ESRRG: variants seen among roughly 807,000 people sequenced by gnomAD.
The protein encoded by ESRRG is estrogen-related receptor gamma.
In ESRRG, 13 loss-of-function variants were observed where a neutral mutation model predicts 44.0. The ratio of observed to expected loss-of-function variants is 0.30; its 90% CI spans 0.19 to 0.47. ESRRG has a LOEUF of 0.47. Among genes scored for constraint, ESRRG ranks in the 20% least tolerant of loss-of-function variants. The pLI is 1.00. For synonymous variants in ESRRG, 215 were observed against 214.6 expected, an observed-to-expected ratio of 1.00 and a Z score of -0.02; for missense variants, 395 against 580.6, an observed-to-expected ratio of 0.68 and a Z score of 3.29.
intron 1 of ESRRG, among the ~76,000 whole-genome samples, chr1:217,028,605 C>T (rs549252173): frequency 1.3e-5 from 2 of 152,230 alleles, no homozygotes; most frequent in South Asian, 4.1e-4. Flanking sequence ...TTTTAGGAGT[C>T]CACCATCACT....
At chr1:216,869,140 C>T (rs1437840515) in intron 2 of ESRRG, among the ~76,000 whole-genome samples, 1 of 151,976 alleles carries the variant, frequency 6.6e-6, no homozygotes, top group Non-Finnish European at 1.5e-5. Flanking sequence ...TTTGCCTAAC[C>T]CTAGATAATG....
At chr1:216,893,991 T>C (rs1452503220) in intron 2 of ESRRG, among the ~76,000 whole-genome samples, 1 of 152,188 alleles carries the variant, frequency 6.6e-6, no homozygotes, top group African/African-American at 2.4e-5. Flanking sequence ...AACAACACAT[T>C]ATTCAATGAT....
chr1:216,729,797 C>G (rs1182054152), intron 2 of ESRRG, among the ~76,000 whole-genome samples: 1 of 152,112 alleles, frequency 6.6e-6, no homozygotes, highest in African/African-American at 2.4e-5. Context: ...GTCAATAATG[C>G]TGTTGATTTT....
intron 3 of ESRRG, among the ~76,000 whole-genome samples, chr1:216,629,001 C>G (rs943363004): frequency 6.6e-6 from 1 of 152,174 alleles, no homozygotes; most frequent in African/African-American, 2.4e-5. Flanking sequence ...TCTTTCCCTC[C>G]ACCCTTCACG....
Position 216,723,032 on chromosome 1 carries a change from C to G in ESRRG, c.56+212G>C, listed in dbSNP as rs561499126. 8.3e-4 allele frequency among the ~76,000 whole-genome samples: 127 copies of G among 152,188 alleles called. 1 individual carries two copies. The highest frequency in any genetic ancestry group is 3.7e-3 in the Admixed American group (56 of 15,296). ...TACTGACAGTCACTGAGCTTTGCCT[C>G]AAAGGTAACATTGTAGTCAGAGAAC... On this transcript the variant is annotated intron_variant, in intron 1 of 6. Coordinates refer to ENST00000408911, the MANE Select transcript of ESRRG (RefSeq NM_001438.4).
Position 217,055,290 on chromosome 1 carries a change from A to G in ESRRG, c.-106+34217T>C, listed in dbSNP as rs572558307. ...TGAGGTTCAAGGGGTAGAAGAAGAG[A>G]CTCAGAGCCAATAAACAAGATGTGG... is the stretch of plus-strand genomic sequence containing the variant. On this transcript the variant is annotated intron_variant, in intron 1 of 7. Transcript: ENST00000359162. 2.6e-5 allele frequency among the ~76,000 whole-genome samples: 4 copies of G among 152,160 alleles called. 1 individual carries two copies. The South Asian group carries it at 8.3e-4, about 32-fold the overall frequency.
In ESRRG at chr1:216,613,613, C is replaced by A. The variant is rs572706831; in HGVS notation, c.589+37360G>T. On this transcript the variant is annotated intron_variant, in intron 3 of 6. Coordinates refer to ENST00000408911, the MANE Select transcript of ESRRG (RefSeq NM_001438.4). ...TTCAACCATTACATCATTTGTTTTA[C>A]TCAAAAGTGTGTGCCTCTCTACGTA... Among the ~76,000 whole-genome samples the A allele has an allele frequency of 5.3e-5, 8 of 152,262 alleles. 1 individual carries two copies. Among genetic ancestry groups the A allele is most frequent in the African/African-American group, 1.7e-4 (7 of 41,576 alleles).
intron 2 of ESRRG, among the ~76,000 whole-genome samples, chr1:216,938,621 T>C (rs2149918936): frequency 6.6e-6 from 1 of 152,344 alleles, no homozygotes; most frequent in Non-Finnish European, 1.5e-5. Flanking sequence ...TGCTGAATGC[T>C]GTTCAAAAAT....
intron 2 of ESRRG, among the ~76,000 whole-genome samples, chr1:216,766,930 C>A (rs2093110903): frequency 6.6e-6 from 1 of 152,096 alleles, no homozygotes; most frequent in Non-Finnish European, 1.5e-5. Flanking sequence ...ATTACATAAT[C>A]TTTTTCTGAG....
intron 2 of ESRRG, among the ~76,000 whole-genome samples, chr1:216,931,102 G>A (rs777837012): frequency 6.6e-5 from 10 of 152,178 alleles, no homozygotes; most frequent in Non-Finnish European, 1.3e-4. Flanking sequence ...TAATGGCCAA[G>A]TTCAGTGAAG....
At chr1:216,826,200 AAAACAC>A (rs941723576) in intron 2 of ESRRG, among the ~76,000 whole-genome samples, 1 of 151,238 alleles carries the variant, frequency 6.6e-6, no homozygotes, top group Non-Finnish European at 1.5e-5. Flanking sequence ...AAAAAAAAAA[AAAACAC>A]ACACACACAC....
chr1:216,685,270 T>C (rs2077723236), intron 1 of ESRRG, among the ~76,000 whole-genome samples: 1 of 151,888 alleles, frequency 6.6e-6, no homozygotes, highest in Admixed American at 6.6e-5. Context: ...GTACCCAAGA[T>C]AAATCATTAA....
intron 1 of ESRRG, among the ~76,000 whole-genome samples, chr1:217,086,027 G>C (rs7551795): frequency 6.6e-6 from 1 of 151,920 alleles, no homozygotes. Flanking sequence ...AAGAAGTCCC[G>C]GTACATTATT....
intron 1 of ESRRG, among the ~76,000 whole-genome samples, chr1:217,021,884 CT>C (rs1415264823): frequency 6.6e-6 from 1 of 152,148 alleles, no homozygotes; most frequent in Non-Finnish European, 1.5e-5. Flanking sequence ...GGGACTTAAA[CT>C]TTTTTCCTCT....
At chr1:217,136,603 C>T (rs917569742) in intron 1 of ESRRG, among the ~76,000 whole-genome samples, 6 of 152,200 alleles carry the variant, frequency 3.9e-5, no homozygotes, top group African/African-American at 1.2e-4. Context: ...CCTTTTGCTG[C>T]ACCCGCTCAC....
intron 6 of ESRRG, 62 bp downstream of exon 6, chr1:216,519,090 A>T (rs1572132089): frequency 6.9e-7 from 1 of 1,453,018 alleles, no homozygotes; most frequent in African/African-American, 1.4e-5. Flanking sequence ...AAAGAAGTTA[A>T]GGAGAGGGGT....
intron 5 of ESRRG, among the ~76,000 whole-genome samples, chr1:216,556,521 T>A (rs938280074): frequency 3.9e-5 from 6 of 152,202 alleles, no homozygotes; most frequent in East Asian, 3.9e-4. Context: ...AAGTTCCAAT[T>A]TTAATCTTTT....
chr1:216,861,364 G>T (rs768211020), intron 2 of ESRRG, among the ~76,000 whole-genome samples: 13 of 152,056 alleles, frequency 8.5e-5, no homozygotes, highest in African/African-American at 1.2e-4. Flanking sequence ...TAAAAGAGCA[G>T]ATTTTGAATG....
intron 1 of ESRRG, among the ~76,000 whole-genome samples, chr1:217,048,893 C>T (rs1306714867): frequency 6.6e-6 from 1 of 152,182 alleles, no homozygotes. Context: ...TGAAAATGAA[C>T]ATTGAATTAT....
Sources: gnomAD v4.1 joint callset for allele counts (sites outside exome capture counted in the v4.1 genomes callset) on GRCh38, gnomAD v4.1.1 for gene constraint, MANE v1.5 for transcripts, NCBI Gene and HGNC (gene_info 2026-07-23, HGNC 2026-07-21) for gene names.